The following BOC variants were observed in gnomAD, a reference collection of about 807,000 sequenced individuals.
BOC encodes BOC cell adhesion associated, oncogene regulated.
BOC carries 76 observed loss-of-function variants against 112.0 expected under a neutral mutation model. The observed-to-expected ratio is 0.68, with a 90% confidence interval of 0.56 to 0.82. The LOEUF is 0.82. Ranked by LOEUF, BOC falls within the 40% of genes least tolerant of loss-of-function variation. The probability of loss-of-function intolerance (pLI) is 0.00; values close to 1 mark genes in which losing one functional copy is unlikely to be tolerated. For synonymous variants in BOC, 580 were observed against 599.8 expected (o/e 0.97, Z 0.48); for missense variants, 1,309 against 1,511.7 (o/e 0.87, Z 2.22).
At chr3:113,240,413 T>G (rs1394514674) in intron 2 of BOC, among the ~76,000 whole-genome samples, 1 of 152,210 alleles carries the variant, frequency 6.6e-6, no homozygotes, top group Non-Finnish European at 1.5e-5. Context: ...AGGAGCCTTT[T>G]GCTTCTCCTA....
chr3:113,240,823 A>G (rs984360911), intron 2 of BOC, among the ~76,000 whole-genome samples: 2 of 152,024 alleles, frequency 1.3e-5, no homozygotes, highest in Non-Finnish European at 2.9e-5. Flanking sequence ...CTGGCGGGGG[A>G]AGATGCCCTT....
chr3:113,246,731 C>A (rs1478191060), intron 2 of BOC, among the ~76,000 whole-genome samples: 4 of 152,128 alleles, frequency 2.6e-5, no homozygotes, highest in African/African-American at 9.7e-5. Context: ...GAATGAGACC[C>A]CACGCATCCT....
chr3:113,222,036 C>T (rs1940775778), intron 2 of BOC, among the ~76,000 whole-genome samples: 1 of 152,222 alleles, frequency 6.6e-6, no homozygotes, highest in South Asian at 2.1e-4. Flanking sequence ...CAATCAGGCC[C>T]CCTGCTTTCA....
At chr3:113,254,229 C>A (rs1169683021) in intron 4 of BOC, among the ~76,000 whole-genome samples, 2 of 152,140 alleles carry the variant, frequency 1.3e-5, no homozygotes, top group African/African-American at 4.8e-5. Flanking sequence ...ATTTGAAAGC[C>A]AAGAACTATT....
intron 2 of BOC, among the ~76,000 whole-genome samples, chr3:113,227,616 C>T (rs75240392): frequency 0.022 from 3,312 of 152,286 alleles, 107 homozygotes; most frequent in African/African-American, 0.074. Context: ...CCTGACAATG[C>T]AGCTTGCCTT....
intron 2 of BOC, among the ~76,000 whole-genome samples, chr3:113,224,774 C>T (rs1237362759): frequency 4.6e-5 from 7 of 152,132 alleles, no homozygotes; most frequent in Admixed American, 1.3e-4. Context: ...GCCTGGCCAA[C>T]GTGGCGAAAC....
At chr3:113,283,382 G>C (rs562771916) in intron 15 of BOC, 29 bp from the exon 16 acceptor site, 1 of 1,556,612 alleles carries the variant, frequency 6.4e-7, no homozygotes, top group Admixed American at 1.9e-5. Context: ...AGAAACATAT[G>C]CTGAAGTGAG....
intron 9 of BOC, among the ~76,000 whole-genome samples, chr3:113,277,398 A>C (rs909701027): frequency 7.2e-5 from 11 of 152,232 alleles, no homozygotes; most frequent in African/African-American, 2.4e-4. Flanking sequence ...TGAACCCAGG[A>C]CTTTGGATCC....
At chr3:113,267,685 G>T (rs1175044199) in intron 4 of BOC, among the ~76,000 whole-genome samples, 5 of 152,210 alleles carry the variant, frequency 3.3e-5, no homozygotes, top group East Asian at 1.9e-4. Context: ...GGAATCTCAG[G>T]CCTGTTACTT....
rs551512125 is a variant in BOC, at chr3:113,227,827, A to G, written c.-82+11553A>G. Among the ~76,000 whole-genome samples the G allele has an allele frequency of 3.3e-5, 5 of 152,244 alleles. No individual in the cohort carries two copies. The South Asian group carries it at 6.2e-4, about 19-fold the overall frequency. ...ATAGTATCATGAACCCCATGTACCCATCACCCAGATTCAGCAGTTATCAAG... is the reference window on the plus strand; with the variant it reads ...ATAGTATCATGAACCCCATGTACCCGTCACCCAGATTCAGCAGTTATCAAG... On this transcript the variant is annotated intron_variant, in intron 2 of 19. Coordinates refer to ENST00000682979, the MANE Select transcript of BOC (RefSeq NM_001378074.1).
intron 2 of BOC, among the ~76,000 whole-genome samples, chr3:113,224,419 C>T (rs1941298369): frequency 6.6e-6 from 1 of 152,184 alleles, no homozygotes; most frequent in Admixed American, 6.5e-5. Context: ...GGATTCAGAA[C>T]ACTCACCAGC....
intron 4 of BOC, among the ~76,000 whole-genome samples, chr3:113,264,777 T>C (rs952790760): frequency 3.3e-5 from 5 of 152,104 alleles, no homozygotes; most frequent in African/African-American, 9.7e-5. Flanking sequence ...AGCAGCCAAA[T>C]TGGGAGTGTT....
At chr3:113,234,441 T>C (rs765661227) in intron 2 of BOC, among the ~76,000 whole-genome samples, 1 of 152,224 alleles carries the variant, frequency 6.6e-6, no homozygotes, top group South Asian at 2.1e-4. Flanking sequence ...CCTTTGTTAG[T>C]GTTTCTGGCT....
At chr3:113,280,925 T>C in intron 14 of BOC, 106 bp from the exon 15 acceptor site, 2 of 1,463,102 alleles carry the variant, frequency 1.4e-6, no homozygotes, top group Non-Finnish European at 1.9e-6. Context: ...TGCCAGTCAG[T>C]GGCATCCTCC....
Position 113,280,655 on chromosome 3 carries a change from T to C in BOC, c.2303T>C (p.Met768Thr). 6.3e-7 allele frequency: 1 copy of C among 1,597,840 alleles called. No homozygotes were observed. Among genetic ancestry groups the C allele is most frequent in the Non-Finnish European group, 8.6e-7 (1 of 1,165,218 alleles). The change falls in exon 14 of 20, where the codon ATG (methionine) becomes ACG (threonine). Residue 768 changes from methionine to threonine, a missense_variant. Physicochemically the swap from Met to Thr is moderately conservative, Grantham distance 81. Coordinates refer to ENST00000682979, the MANE Select transcript of BOC (RefSeq NM_001378074.1). ...AATGATAGTGACTACAAGAAGGATA[T>C]GGTGGAAGGTGAGACACAGTTCTGT... ...SDNDSDYKKD[M>T]VEGDKYWHSI... is the part of the protein sequence containing the mutation.
intron 2 of BOC, among the ~76,000 whole-genome samples, chr3:113,221,593 C>T (rs1214120055): frequency 2.0e-5 from 3 of 152,212 alleles, no homozygotes; most frequent in Non-Finnish European, 4.4e-5. Context: ...TAATATTGGC[C>T]TTACCTTCAA....
rs181673673 is a variant in BOC at position 113,231,142 on chromosome 3, C to G, written c.-82+14868C>G. Among the ~76,000 whole-genome samples the G allele has an allele frequency of 8.4e-4, 127 of 152,038 alleles. 1 individual carries two copies. Among genetic ancestry groups the G allele is most frequent in the Admixed American group, 4.4e-3 (67 of 15,270 alleles). On this transcript the variant is annotated intron_variant, in intron 2 of 19. Transcript: ENST00000682979. Reference sequence around the variant, plus strand: ...TGAAGGGGTGGTTGGGAAATGAGGCCTATGGGAAGATGGGAAGATAAAATA... The same window carrying G: ...TGAAGGGGTGGTTGGGAAATGAGGCGTATGGGAAGATGGGAAGATAAAATA...
chr3:113,236,385 G>A (rs1444264905), intron 2 of BOC, among the ~76,000 whole-genome samples: 2 of 133,438 alleles, frequency 1.5e-5, no homozygotes, highest in African/African-American at 2.7e-5. Flanking sequence ...AGAACTGGAG[G>A]TTTTTCTCTT....
chr3:113,253,418 A>T (rs568427367), intron 4 of BOC, among the ~76,000 whole-genome samples: 21 of 151,796 alleles, frequency 1.4e-4, no homozygotes, highest in East Asian at 5.8e-4. Context: ...AATTTTTTTT[A>T]AAAAAATAGC....
Sources: gnomAD v4.1 joint callset for allele counts (sites outside exome capture counted in the v4.1 genomes callset) on GRCh38, gnomAD v4.1.1 for gene constraint, MANE v1.5 for transcripts, NCBI Gene and HGNC (gene_info 2026-07-23, HGNC 2026-07-21) for gene names.